Variants in MSR1 observed in about 807,000 individuals in gnomAD.
MSR1 encodes macrophage scavenger receptor types I and II.
A neutral mutation model predicts 47.2 loss-of-function variants in MSR1; 53 were observed. The observed-to-expected ratio is 1.12, with a 90% CI of 0.90 to 1.41. The LOEUF (loss-of-function observed/expected upper bound fraction) is 1.41. Among genes scored for constraint, MSR1 ranks in the 40% most tolerant of loss-of-function variants. The pLI, the probability that MSR1 is intolerant of heterozygous loss-of-function variation, is 0.00. For synonymous variants in MSR1, 239 were observed against 185.6 expected (o/e 1.29, Z -2.34); for missense variants, 786 against 546.9 (o/e 1.44, Z -4.36).
At chr8:16,172,525 G>C (rs1420664317) in intron 3 of MSR1, among the ~76,000 whole-genome samples, 1 of 152,086 alleles carries the variant, frequency 6.6e-6, no homozygotes, top group Admixed American at 6.6e-5. Context: ...TATGAAAGGA[G>C]ACAGAATTTT....
At chr8:16,175,878 T>C (rs867941092) in intron 2 of MSR1, among the ~76,000 whole-genome samples, 1 of 152,188 alleles carries the variant, frequency 6.6e-6, no homozygotes, top group Non-Finnish European at 1.5e-5. Flanking sequence ...ATCTTTAGAA[T>C]GGATCAATGA....
At chr8:16,140,969 T>C (rs760610114) in intron 8 of MSR1, 3 of 1,613,892 alleles carry the variant, frequency 1.9e-6, no homozygotes, top group East Asian at 4.5e-5. Context: ...AATGAGATGG[T>C]AGCAGAGGAT....
rs539031769 is a variant in MSR1 at position 16,174,202 on chromosome 8, C to G, written c.217+985G>C. 3.3e-5 allele frequency among the ~76,000 whole-genome samples: 5 copies of G among 152,246 alleles called. No individual in the cohort carries two copies. In the South Asian group the frequency reaches 1.0e-3, roughly 32 times the overall value. ...ATTTTTGCTCTGTCTTGGAATACTT[C>G]CTTAGACTGCCCTGTAGCAGAGGAA... is the stretch of plus-strand genomic sequence containing the variant. On this transcript the variant is annotated intron_variant, in intron 3 of 9. Transcript: ENST00000262101.
At chr8:16,191,381 T>C (rs954277869) in intron 1 of MSR1, among the ~76,000 whole-genome samples, 4 of 152,288 alleles carry the variant, frequency 2.6e-5, no homozygotes, top group East Asian at 1.9e-4. Context: ...CTTATTTGAA[T>C]TGAACTTTCT....
chr8:16,177,816 A>C (rs1024835345), intron 2 of MSR1, 70 bp downstream of exon 2: 8 of 1,234,820 alleles, frequency 6.5e-6, no homozygotes, highest in Non-Finnish European at 9.5e-6. Flanking sequence ...AAGTCTCAAG[A>C]CTATAATTTT....
chr8:16,150,999 G>A (rs1359338474), intron 6 of MSR1, among the ~76,000 whole-genome samples: 1 of 151,698 alleles, frequency 6.6e-6, no homozygotes, highest in Non-Finnish European at 1.5e-5. Context: ...ATATTACTAT[G>A]GTGATCATAA....
chr8:16,139,433 G>C (rs1800470780), intron 8 of MSR1: 4 of 957,966 alleles, frequency 4.2e-6, no homozygotes, highest in Non-Finnish European at 5.0e-6. Context: ...TACAAGAGTG[G>C]GAATAAAAAT....
At chr8:16,159,402 A>G (rs1801100554) in intron 5 of MSR1, among the ~76,000 whole-genome samples, 1 of 151,942 alleles carries the variant, frequency 6.6e-6, no homozygotes, top group African/African-American at 2.4e-5. Context: ...TTCCACAATG[A>G]AATTTTATGT....
intron 8 of MSR1, chr8:16,139,880 A>G (rs1800505948): frequency 2.3e-6 from 1 of 436,988 alleles, no homozygotes; most frequent in African/African-American, 2.3e-5. Context: ...AATTTTTAAA[A>G]AATATTCTAA....
chr8:16,134,649 G>A (rs1409299156), intron 8 of MSR1, among the ~76,000 whole-genome samples: 2 of 152,030 alleles, frequency 1.3e-5, no homozygotes, highest in South Asian at 4.1e-4. Flanking sequence ...AGGAAGAGTG[G>A]CACATCTCTC....
chr8:16,120,363 T>C (rs1799970552), intron 9 of MSR1, 55 bp downstream of exon 9: 1 of 1,589,872 alleles, frequency 6.3e-7, no homozygotes, highest in Admixed American at 1.7e-5. Context: ...GGCGACAGAA[T>C]GAGACTCTGT....
chr8:16,143,702 A>G, intron 7 of MSR1, 91 bp from the exon 8 acceptor site: 1 of 853,722 alleles, frequency 1.2e-6, no homozygotes, highest in Non-Finnish European at 1.9e-6. Flanking sequence ...GGTAATTAAA[A>G]TATAATAGAA....
chr8:16,136,271 A>G (rs1240900873), intron 8 of MSR1, among the ~76,000 whole-genome samples: 1 of 152,168 alleles, frequency 6.6e-6, no homozygotes, highest in Admixed American at 6.5e-5. Context: ...AGCCACCTCA[A>G]TCTTCAGCAA....
At chr8:16,137,151 G>C (rs181801985) in intron 8 of MSR1, among the ~76,000 whole-genome samples, 222 of 152,206 alleles carry the variant, frequency 1.5e-3, no homozygotes, top group African/African-American at 5.2e-3. Context: ...TTAACAGGTA[G>C]CTCTTCCCCA....
intron 7 of MSR1, among the ~76,000 whole-genome samples, chr8:16,146,806 G>A (rs746515178): frequency 6.6e-6 from 1 of 151,882 alleles, no homozygotes; most frequent in Non-Finnish European, 1.5e-5. Context: ...TAAAATCAGT[G>A]GTTCTGAATA....
At chr8:16,110,867 G>A (rs1799741148) in intron 9 of MSR1, among the ~76,000 whole-genome samples, 4 of 151,120 alleles carry the variant, frequency 2.6e-5, no homozygotes, top group Admixed American at 2.6e-4. Context: ...ACAAAGCAAA[G>A]GTTTTCCTGA....
At chr8:16,140,564 A>G (rs1004636054) in intron 8 of MSR1, 8 of 1,041,458 alleles carry the variant, frequency 7.7e-6, no homozygotes, top group Non-Finnish European at 9.2e-6. Context: ...CAAGTGTTAT[A>G]TTGTATGGTA....
chr8:16,136,818 G>A (rs899510697), intron 8 of MSR1, among the ~76,000 whole-genome samples: 2 of 152,162 alleles, frequency 1.3e-5, no homozygotes, highest in East Asian at 3.9e-4. Context: ...GGCCAGGATG[G>A]TCTCAATCTC....
chr8:16,176,355 A>C (rs977317931), intron 2 of MSR1, among the ~76,000 whole-genome samples: 1 of 152,086 alleles, frequency 6.6e-6, no homozygotes, highest in South Asian at 2.1e-4. Context: ...AAAACTACAA[A>C]AATTAGCCAG....
Sources: allele counts gnomAD v4.1 joint callset (sites outside exome capture counted in the v4.1 genomes callset), GRCh38; gene constraint gnomAD v4.1.1; transcripts MANE v1.5; gene names NCBI Gene and HGNC (gene_info 2026-07-23, HGNC 2026-07-21).